The following MRO variants were observed in gnomAD, a reference collection of about 807,000 sequenced individuals.
The protein encoded by MRO is maestro.
A neutral mutation model predicts 31.0 loss-of-function variants in MRO; 28 were observed. That is an observed-to-expected ratio of 0.90 (90% CI 0.67 to 1.24). The LOEUF (loss-of-function observed/expected upper bound fraction) is 1.24, where lower values mean the gene tolerates loss of function less well. Ranked by LOEUF, MRO falls within the 50% of genes most tolerant of loss-of-function variation. MRO has a pLI of 0.00. For missense variants in MRO, 332 were observed against 289.2 expected, an observed-to-expected ratio of 1.15 and a Z score of -1.07; for synonymous variants, 108 against 108.4, an observed-to-expected ratio of 1.00 and a Z score of 0.02.
chr18:50,811,041 C>T (rs1334457411), intron 2 of MRO, among the ~76,000 whole-genome samples: 2 of 152,074 alleles, frequency 1.3e-5, no homozygotes, highest in Non-Finnish European at 2.9e-5. Flanking sequence ...GCGTATATGA[C>T]ACATTGGGAG....
At chr18:50,806,569 C>CT in intron 4 of MRO, 135 bp downstream of exon 4, 1 of 1,073,634 alleles carries the variant, frequency 9.3e-7, no homozygotes, top group Admixed American at 2.2e-5. Context: ...CTGTAAGCTG[C>CT]TAAGTGTGCG....
chr18:50,803,030 C>G (rs531315187), intron 5 of MRO, among the ~76,000 whole-genome samples: 4 of 152,000 alleles, frequency 2.6e-5, no homozygotes, highest in Non-Finnish European at 5.9e-5. Flanking sequence ...GATGCTCGCC[C>G]CGCTAGGAGT....
rs145506660 is a variant in MRO at position 50,796,567 on chromosome 18, A to ATG, written c.*2768_*2769dup. ...AGTACAGATAAGAGATACACGTGAA[A>ATG]TGTGTGTGTGTGTGTGTGCATGTGA... is the stretch of plus-strand genomic sequence containing the variant. On this transcript the variant is annotated 3_prime_UTR_variant, in exon 8 of 8. Coordinates refer to ENST00000398439, the MANE Select transcript of MRO (RefSeq NM_031939.6). The ATG allele has an allele frequency of 5.1e-4, 77 of 150,564 alleles. No individual in the cohort carries two copies. The highest frequency in any genetic ancestry group is 7.8e-4 in the East Asian group (4 of 5,154). The allele number at this position is 150,564 out of a possible 1,614,324, so 9.3% of individuals were successfully genotyped here. A position where few individuals can be genotyped will look rare whatever the true frequency, so the allele number is the denominator to read the frequency against.
intron 2 of MRO, chr18:50,815,058 TC>T (rs764389701): frequency 2.8e-5 from 5 of 176,820 alleles, no homozygotes; most frequent in Non-Finnish European, 5.9e-5. Flanking sequence ...AGACTTCGTC[TC>T]AAAAAATAAT....
At chr18:50,822,768 A>T (rs1020254059), upstream of MRO, among the ~76,000 whole-genome samples, 1 of 134,412 alleles carries the variant, frequency 7.4e-6, no homozygotes, top group Non-Finnish European at 1.5e-5. Context: ...AAAATCAGCC[A>T]CCTCCTTAGC....
At chr18:50,817,997 C>G (rs928237989) in intron 2 of MRO, among the ~76,000 whole-genome samples, 1 of 126,316 alleles carries the variant, frequency 7.9e-6, no homozygotes, top group Non-Finnish European at 1.6e-5. Context: ...AACTCCCACC[C>G]CCCGCCCCAT....
chr18:50,806,775 C>A lies in MRO; in HGVS notation c.175G>T (p.Asp59Tyr), dbSNP rs545915936. The A allele has an allele frequency of 2.5e-6, 4 of 1,614,120 alleles. No individual in the cohort carries two copies. The African/African-American group carries it at 4.0e-5, about 16-fold the overall frequency. Residue 59 changes from aspartate to tyrosine, a missense_variant, in exon 4 of 8, where the codon GAC becomes TAC. Asp to Tyr is a radical substitution (Grantham distance 160). Transcript: ENST00000398439. ...VFFILAERAR[D>Y]PSAKKRHMAM... ...ATGTGACGCTTTTTAGCACTGGGGT[C>A]CCGAGCTCTTTCTGCCAAGATGAAA...
At chr18:50,801,149 G>A (rs1435059602) in intron 6 of MRO, among the ~76,000 whole-genome samples, 200 bp downstream of exon 6, 1 of 152,150 alleles carries the variant, frequency 6.6e-6, no homozygotes, top group Non-Finnish European at 1.5e-5. Context: ...TTGGGCAGGT[G>A]GGGCAGATGG....
chr18:50,818,819 G>A (rs8085382), intron 2 of MRO, among the ~76,000 whole-genome samples: 20,348 of 152,128 alleles, frequency 0.13, 1,358 homozygotes, highest in Middle Eastern at 0.15. Flanking sequence ...TTGGGAGGCT[G>A]AGGCAGGCAG....
At chr18:50,801,188 T>C (rs945945056) in intron 6 of MRO, among the ~76,000 whole-genome samples, 161 bp downstream of exon 6, 4 of 152,128 alleles carry the variant, frequency 2.6e-5, no homozygotes, top group Non-Finnish European at 4.4e-5. Flanking sequence ...AAAGAGAGAT[T>C]ACACACCAAA....
At chr18:50,822,842 G>A (rs1441832500), upstream of MRO, among the ~76,000 whole-genome samples, 2 of 151,926 alleles carry the variant, frequency 1.3e-5, no homozygotes, top group African/African-American at 4.8e-5. Flanking sequence ...CTGAGATCCT[G>A]CTTCCATGGA....
At chr18:50,800,915 GAAGA>G (rs1913249075) in intron 6 of MRO, among the ~76,000 whole-genome samples, 1 of 150,880 alleles carries the variant, frequency 6.6e-6, no homozygotes, top group Non-Finnish European at 1.5e-5. Context: ...AAGAACGAAG[GAAGA>G]AAGGAAGGAA....
At chr18:50,817,096 A>C (rs1914991592) in intron 2 of MRO, among the ~76,000 whole-genome samples, 5 of 152,304 alleles carry the variant, frequency 3.3e-5, no homozygotes. Context: ...CGGCAAAGTA[A>C]ATGAGAACTG....
At chr18:50,804,457 C>T (rs2144603969) in intron 5 of MRO, among the ~76,000 whole-genome samples, 1 of 152,268 alleles carries the variant, frequency 6.6e-6, no homozygotes, top group East Asian at 1.9e-4. Flanking sequence ...GAAAACCCAT[C>T]TTTACCAAAA....
At chr18:50,819,875 T>C (rs1024934495) in intron 1 of MRO, 22 bp downstream of exon 1, 13 of 1,549,622 alleles carry the variant, frequency 8.4e-6, no homozygotes, top group Non-Finnish European at 1.1e-5. Flanking sequence ...TATTGTAGGG[T>C]GGCACAAGCA....
At chr18:50,812,394 A>C (rs1410970162) in intron 2 of MRO, among the ~76,000 whole-genome samples, 1 of 152,154 alleles carries the variant, frequency 6.6e-6, no homozygotes, top group Non-Finnish European at 1.5e-5. Context: ...AGAATTCTTT[A>C]TATATTCTGA....
At chr18:50,815,274 C>A in intron 2 of MRO, 1 of 258,492 alleles carries the variant, frequency 3.9e-6, no homozygotes, top group African/African-American at 2.3e-5. Flanking sequence ...GGAAGTGGAT[C>A]TGGCAACTTG....
intron 2 of MRO, 96 bp downstream of exon 2, chr18:50,819,485 T>C: frequency 6.7e-7 from 1 of 1,503,674 alleles, no homozygotes; most frequent in Non-Finnish European, 8.9e-7. Context: ...CCCATACTGG[T>C]GACCAGAGTG....
chr18:50,806,176 C>T (rs1913904644), intron 4 of MRO, among the ~76,000 whole-genome samples: 1 of 152,088 alleles, frequency 6.6e-6, no homozygotes, highest in Admixed American at 6.5e-5. Flanking sequence ...TTCAAGTGGT[C>T]CACCCGCCTT....
Sources: allele counts gnomAD v4.1 joint callset (sites outside exome capture counted in the v4.1 genomes callset), GRCh38; gene constraint gnomAD v4.1.1; transcripts MANE v1.5; gene names NCBI Gene and HGNC (gene_info 2026-07-23, HGNC 2026-07-21).